Variants in NKAIN3 observed in about 807,000 individuals in gnomAD.
NKAIN3 encodes sodium/potassium-transporting ATPase subunit beta-1-interacting protein 3.
A neutral mutation model predicts 30.2 loss-of-function variants in NKAIN3; 25 were observed. The observed-to-expected ratio is 0.83, with a 90% CI of 0.60 to 1.16. The LOEUF (loss-of-function observed/expected upper bound fraction) is 1.16. Ranked by LOEUF, NKAIN3 falls within the 50% of genes most tolerant of loss-of-function variation. The pLI is 0.00. For missense variants in NKAIN3, 225 were observed against 254.1 expected, an observed-to-expected ratio of 0.89 and a Z score of 0.78; for synonymous variants, 91 against 89.6, an observed-to-expected ratio of 1.02 and a Z score of -0.09.
intron 4 of NKAIN3, among the ~76,000 whole-genome samples, chr8:62,824,554 A>C (rs1342649788): frequency 1.3e-5 from 2 of 151,882 alleles, no homozygotes; most frequent in Non-Finnish European, 2.9e-5. Context: ...GTGCTCTAAA[A>C]ATGATAGACA....
At chr8:62,955,442 G>A (rs1823394359) in intron 6 of NKAIN3, among the ~76,000 whole-genome samples, 1 of 152,096 alleles carries the variant, frequency 6.6e-6, no homozygotes, top group South Asian at 2.1e-4. Flanking sequence ...AGTGAGAAAA[G>A]AACTAAGACA....
chr8:62,497,890 G>A (rs996080774), intron 1 of NKAIN3, among the ~76,000 whole-genome samples: 1 of 152,112 alleles, frequency 6.6e-6, no homozygotes, highest in South Asian at 2.1e-4. Context: ...TAGGATTAAC[G>A]TTAGTAAGCC....
intron 3 of NKAIN3, among the ~76,000 whole-genome samples, chr8:62,711,087 G>A (rs1814702485): frequency 6.6e-6 from 1 of 152,052 alleles, no homozygotes; most frequent in Admixed American, 6.5e-5. Flanking sequence ...AGCTTGTAGG[G>A]TTCCTACCGA....
chr8:62,739,091 A>T (rs956222328), intron 3 of NKAIN3, among the ~76,000 whole-genome samples: 3 of 152,126 alleles, frequency 2.0e-5, no homozygotes, highest in African/African-American at 7.2e-5. Context: ...AGGGAGGGAA[A>T]CATCACACAC....
intron 4 of NKAIN3, among the ~76,000 whole-genome samples, chr8:62,896,157 G>A (rs141309528): frequency 1.3e-5 from 2 of 152,004 alleles, no homozygotes; most frequent in African/African-American, 4.8e-5. Context: ...GTCAGGCTCG[G>A]GTGAGGGCCC....
At chr8:62,507,708 A>G (rs1807685840) in intron 1 of NKAIN3, among the ~76,000 whole-genome samples, 1 of 152,184 alleles carries the variant, frequency 6.6e-6, no homozygotes, top group Admixed American at 6.5e-5. Flanking sequence ...CCTTTCTGTT[A>G]CAAACTTGTT....
At chr8:62,521,735 A>G (rs1490093283) in intron 1 of NKAIN3, among the ~76,000 whole-genome samples, 1 of 152,166 alleles carries the variant, frequency 6.6e-6, no homozygotes, top group Non-Finnish European at 1.5e-5. Flanking sequence ...CTGAAGATTC[A>G]TTAATGCAGA....
At chr8:62,253,571 A>T (rs999884189) in intron 1 of NKAIN3, among the ~76,000 whole-genome samples, 2 of 152,214 alleles carry the variant, frequency 1.3e-5, no homozygotes, top group Non-Finnish European at 2.9e-5. Flanking sequence ...TCTCTATCTA[A>T]AAAGAAAGAA....
At chr8:62,580,678 C>T (rs1232168000) in intron 2 of NKAIN3, among the ~76,000 whole-genome samples, 1 of 152,014 alleles carries the variant, frequency 6.6e-6, no homozygotes, top group Non-Finnish European at 1.5e-5. Flanking sequence ...TTATTTCTTT[C>T]ACCATTTCAC....
chr8:62,856,623 A>G, intron 4 of NKAIN3: 1 of 775,772 alleles, frequency 1.3e-6, no homozygotes, highest in East Asian at 2.5e-5. Flanking sequence ...CATGAACTGG[A>G]CATCACTAAA....
Position 62,919,227 on chromosome 8 carries a change from A to ATTTTTTTTTTTTTT in NKAIN3, c.532+736_532+749dup, listed in dbSNP as rs71255371. On this transcript the variant is annotated intron_variant, in intron 5 of 6. Coordinates refer to ENST00000623646, the MANE Select transcript of NKAIN3 (RefSeq NM_001304533.3). ...TCACTTTTTTTTATTTACTTTCAAA[A>ATTTTTTTTTTTTTT]TTTTTTTTTTTTTTTTTTTTTTTTT... is the stretch of plus-strand genomic sequence containing the variant. 7.0e-4 allele frequency among the ~76,000 whole-genome samples: 33 copies of ATTTTTTTTTTTTTT among 47,192 alleles called. 2 individuals are homozygous for ATTTTTTTTTTTTTT. Among genetic ancestry groups the ATTTTTTTTTTTTTT allele is most frequent in the African/African-American group, 8.1e-4 (9 of 11,068 alleles). 31.0% of individuals were successfully genotyped at this position (47,192 alleles called of 152,430 possible). A position where few individuals can be genotyped will look rare whatever the true frequency, so the allele number is the denominator to read the frequency against.
intron 1 of NKAIN3, among the ~76,000 whole-genome samples, chr8:62,280,375 C>T (rs1308946360): frequency 1.3e-5 from 2 of 152,068 alleles, no homozygotes; most frequent in Non-Finnish European, 2.9e-5. Context: ...TTCCTTTCTC[C>T]TGCCTGATTG....
intron 5 of NKAIN3, among the ~76,000 whole-genome samples, chr8:62,933,825 A>G (rs16929903): frequency 0.29 from 44,001 of 152,008 alleles, 6,656 homozygotes; most frequent in African/African-American, 0.34. Context: ...TTTCTCCTGA[A>G]TAAAAGGTTC....
chr8:62,813,513 T>TTA (rs1025127426), intron 4 of NKAIN3, among the ~76,000 whole-genome samples: 2 of 134,052 alleles, frequency 1.5e-5, no homozygotes, highest in African/African-American at 5.5e-5. Context: ...TTTTTTTTTT[T>TTA]ATTAATCCAT....
At chr8:62,337,138 C>T (rs1815579510) in intron 1 of NKAIN3, among the ~76,000 whole-genome samples, 1 of 152,016 alleles carries the variant, frequency 6.6e-6, no homozygotes, top group Non-Finnish European at 1.5e-5. Flanking sequence ...AATCAGTGGT[C>T]CAACAAACAG....
intron 4 of NKAIN3, among the ~76,000 whole-genome samples, chr8:62,759,980 C>G (rs538008974): frequency 1.4e-4 from 21 of 152,288 alleles, no homozygotes; most frequent in African/African-American, 4.8e-4. Context: ...TGAACAGATA[C>G]TTCTCAAAAG....
At chr8:62,714,940 T>C (rs1814845712) in intron 3 of NKAIN3, among the ~76,000 whole-genome samples, 1 of 152,216 alleles carries the variant, frequency 6.6e-6, no homozygotes, top group African/African-American at 2.4e-5. Flanking sequence ...TATAAAGACC[T>C]GAGACTGTGT....
At chr8:62,367,067 T>C (rs1218543705) in intron 1 of NKAIN3, among the ~76,000 whole-genome samples, 1 of 152,236 alleles carries the variant, frequency 6.6e-6, no homozygotes, top group Admixed American at 6.5e-5. Flanking sequence ...CTTGATATTA[T>C]TTCAGTCTTC....
intron 1 of NKAIN3, among the ~76,000 whole-genome samples, chr8:62,555,937 T>G (rs1219920217): frequency 1.3e-5 from 2 of 151,966 alleles, no homozygotes; most frequent in African/African-American, 4.8e-5. Context: ...AAAATGTGCC[T>G]AATGGAAAAT....
Sources: gnomAD v4.1 joint callset for allele counts (sites outside exome capture counted in the v4.1 genomes callset) on GRCh38, gnomAD v4.1.1 for gene constraint, MANE v1.5 for transcripts, NCBI Gene and HGNC (gene_info 2026-07-23, HGNC 2026-07-21) for gene names.